DHRSX: variants seen among roughly 807,000 people sequenced by gnomAD.
The protein encoded by DHRSX is polyprenol dehydrogenase.
DHRSX carries 31 observed loss-of-function variants against 34.0 expected under a neutral mutation model. The ratio of observed to expected loss-of-function variants is 0.91; its 90% confidence interval spans 0.69 to 1.23. DHRSX has a LOEUF of 1.23. DHRSX is among the 50% of genes most tolerant of loss of function. The pLI is 0.00. For synonymous variants in DHRSX, 201 were observed against 183.8 expected, an observed-to-expected ratio of 1.09 and a Z score of -0.76; for missense variants, 414 against 428.1, an observed-to-expected ratio of 0.97 and a Z score of 0.29.
chrX:2,272,197 A>G (rs1475928876), intron 4 of DHRSX, among the ~76,000 whole-genome samples: 1 of 152,176 alleles, frequency 6.6e-6, no homozygotes, highest in African/African-American at 2.4e-5. Flanking sequence ...GTGGACGGGA[A>G]GCTTTGCATT....
At chrX:2,262,185 C>T (rs193115148) in intron 5 of DHRSX, among the ~76,000 whole-genome samples, 4,347 of 152,306 alleles carry the variant, frequency 0.029, 213 homozygotes, top group African/African-American at 0.097. Context: ...TCCAGGCAAA[C>T]CCTTCAGCAT....
intron 1 of DHRSX, among the ~76,000 whole-genome samples, chrX:2,451,594 G>C (rs1197509360): frequency 2.0e-5 from 3 of 152,168 alleles, no homozygotes; most frequent in Non-Finnish European, 4.4e-5. Context: ...GGTCAGGACG[G>C]TGGCTGGAGA....
chrX:2,339,554 C>T (rs757861168), intron 3 of DHRSX, among the ~76,000 whole-genome samples: 18 of 152,000 alleles, frequency 1.2e-4, no homozygotes, highest in Admixed American at 3.3e-4. Flanking sequence ...CCAAGCTCTC[C>T]CCAAGTCCCC....
At chrX:2,426,780 CTTCT>C in intron 1 of DHRSX, among the ~76,000 whole-genome samples, 1 of 145,110 alleles carries the variant, frequency 6.9e-6, no homozygotes, top group South Asian at 2.2e-4. Context: ...TCTTTACTTC[CTTCT>C]CTCACTCTTT....
rs376296866 is a variant in DHRSX at position 2,323,126 on chromosome X, GCTGA to G, written c.287-31527_287-31524del. ...ACTGTATTTTCTTGCAACAGCCAGAGCTGACTAAGACAGTCTTGAAGCTCAAAGA... is the reference window on the plus strand; with the variant it reads ...ACTGTATTTTCTTGCAACAGCCAGAGCTAAGACAGTCTTGAAGCTCAAAGA... On this transcript the variant is annotated intron_variant, in intron 3 of 6. Transcript: ENST00000334651. 1.9e-3 allele frequency among the ~76,000 whole-genome samples: 294 copies of G among 152,196 alleles called. 2 individuals carry two copies. The highest frequency in any genetic ancestry group is 6.8e-3 in the African/African-American group (282 of 41,532).
intron 3 of DHRSX, among the ~76,000 whole-genome samples, chrX:2,330,865 G>A (rs1174577066): frequency 1.3e-5 from 2 of 152,156 alleles, no homozygotes; most frequent in Non-Finnish European, 2.9e-5. Context: ...AGAGGCCTCA[G>A]TAGAAGAAAA....
At chrX:2,359,323 C>T (rs2042897921) in intron 3 of DHRSX, among the ~76,000 whole-genome samples, 1 of 152,198 alleles carries the variant, frequency 6.6e-6, no homozygotes, top group African/African-American at 2.4e-5. Context: ...CAGCACCTTT[C>T]ACAATAGCAA....
At chrX:2,447,176 G>T (rs1172527530) in intron 1 of DHRSX, among the ~76,000 whole-genome samples, 2 of 152,018 alleles carry the variant, frequency 1.3e-5, no homozygotes, top group Non-Finnish European at 2.9e-5. Context: ...GTGGCTAAGG[G>T]ACCACCGCCC....
chrX:2,383,711 A>G (rs2043239994), intron 3 of DHRSX, among the ~76,000 whole-genome samples: 1 of 152,176 alleles, frequency 6.6e-6, no homozygotes, highest in South Asian at 2.1e-4. Context: ...TAAACAACCA[A>G]CGATACAATG....
intron 1 of DHRSX, among the ~76,000 whole-genome samples, chrX:2,461,814 C>T (rs1448503615): frequency 6.6e-6 from 1 of 152,176 alleles, no homozygotes; most frequent in Non-Finnish European, 1.5e-5. Flanking sequence ...ATCCTCCCAC[C>T]TCTGCCTCCT....
chrX:2,425,383 A>G (rs1463903282), intron 1 of DHRSX, 79 bp from the exon 2 acceptor site: 2 of 1,240,290 alleles, frequency 1.6e-6, no homozygotes, highest in African/African-American at 3.0e-5. Flanking sequence ...GCCTCCAGAG[A>G]GGCAAGATGC....
chrX:2,491,306 G>A (rs1242892794), intron 1 of DHRSX, among the ~76,000 whole-genome samples: 1 of 152,174 alleles, frequency 6.6e-6, no homozygotes, highest in Non-Finnish European at 1.5e-5. Flanking sequence ...CTGACTTCAG[G>A]TGATCCACCC....
intron 3 of DHRSX, among the ~76,000 whole-genome samples, chrX:2,336,158 C>T (rs1372957454): frequency 6.6e-6 from 1 of 151,954 alleles, no homozygotes; most frequent in Non-Finnish European, 1.5e-5. Context: ...CAGGCGCCCG[C>T]CACCATGCCC....
Position 2,298,614 on chromosome X carries a change from A to ACACACG in DHRSX, c.287-7012_287-7011insCGTGTG, listed in dbSNP as rs1556457250. ...CAGGCGCGTGTGTACACACACACAC[A>ACACACG]CACACACACACACACACACACACGA... On this transcript the variant is annotated intron_variant, in intron 3 of 6. Transcript: ENST00000334651. 3.3e-4 allele frequency among the ~76,000 whole-genome samples: 27 copies of ACACACG among 83,000 alleles called. 1 individual carries two copies. The highest frequency in any genetic ancestry group is 5.3e-4 in the African/African-American group (13 of 24,464). 54.5% of individuals were successfully genotyped at this position (83,000 alleles called of 152,430 possible).
Position 2,474,531 on chromosome X carries a change from A to G in DHRSX, c.109+26286T>C, listed in dbSNP as rs1269481539. Among the ~76,000 whole-genome samples, 3 of 151,956 alleles carry G rather than the reference A, an allele frequency of 2.0e-5. No homozygotes were observed. The East Asian group carries it at 5.8e-4, about 29-fold the overall frequency. On this transcript the variant is annotated intron_variant, in intron 1 of 6. Transcript: ENST00000334651. ...GGGACCACAACGGTGTACACACTGA[A>G]GCCATTCCTTAAGCATGTGGCCCAA...
At chrX:2,294,619 C>T (rs1192175589) in intron 3 of DHRSX, among the ~76,000 whole-genome samples, 2 of 149,560 alleles carry the variant, frequency 1.3e-5, no homozygotes, top group South Asian at 2.1e-4. Context: ...AAGCCGAGGT[C>T]GCGCCACTGC....
intron 3 of DHRSX, among the ~76,000 whole-genome samples, chrX:2,326,293 C>T (rs1343594930): frequency 7.2e-5 from 11 of 152,106 alleles, no homozygotes; most frequent in Admixed American, 3.3e-4. Flanking sequence ...GAGGCCAAGG[C>T]GGGCAGATCA....
chrX:2,236,339 G>A (rs949734559), intron 6 of DHRSX, among the ~76,000 whole-genome samples: 2 of 152,172 alleles, frequency 1.3e-5, no homozygotes, highest in Admixed American at 1.3e-4. Flanking sequence ...TGGGGGAAGG[G>A]CGTGCGTGGA....
At position 2,299,804 on chromosome X, in the gene DHRSX, G is replaced by A. The variant is rs375456981; in HGVS notation, c.287-8201C>T. Among the ~76,000 whole-genome samples the A allele has an allele frequency of 1.3e-5, 2 of 150,548 alleles. 1 individual carries two copies. The highest frequency in any genetic ancestry group is 4.2e-4 in the South Asian group (2 of 4,736). On this transcript the variant is annotated intron_variant, in intron 3 of 6. Transcript: ENST00000334651. ...TGGGAGGTGGAGGTTGCAGTAAGCCGAGATCACACCACTGCACTCCAGCCT... is the reference window on the plus strand; with the variant it reads ...TGGGAGGTGGAGGTTGCAGTAAGCCAAGATCACACCACTGCACTCCAGCCT...
Sources: allele counts gnomAD v4.1 joint callset (sites outside exome capture counted in the v4.1 genomes callset), GRCh38; gene constraint gnomAD v4.1.1; transcripts MANE v1.5; gene names NCBI Gene and HGNC (gene_info 2026-07-23, HGNC 2026-07-21).